Variants in HS3ST2 observed in about 807,000 individuals in gnomAD.
The protein encoded by HS3ST2 is heparan sulfate glucosamine 3-O-sulfotransferase 2.
A neutral mutation model predicts 26.3 loss-of-function variants in HS3ST2; 17 were observed. The ratio of observed to expected loss-of-function variants is 0.65; its 90% CI spans 0.44 to 0.97. HS3ST2 has a LOEUF of 0.97. Among genes scored for constraint, HS3ST2 ranks in the 50% least tolerant of loss-of-function variants. The pLI, the probability that HS3ST2 is intolerant of heterozygous loss-of-function variation, is 0.00. For synonymous variants in HS3ST2, 237 were observed against 219.2 expected (o/e 1.08, Z -0.72); for missense variants, 402 against 501.2 (o/e 0.80, Z 1.89).
intron 1 of HS3ST2, among the ~76,000 whole-genome samples, chr16:22,843,106 A>G (rs1280438503): frequency 4.6e-5 from 7 of 151,916 alleles, no homozygotes; most frequent in Non-Finnish European, 8.8e-5. Flanking sequence ...CTACTCTCAC[A>G]CTGCAAAAAT....
intron 1 of HS3ST2, among the ~76,000 whole-genome samples, chr16:22,874,919 C>A (rs2015695): frequency 1.3e-5 from 2 of 151,996 alleles, no homozygotes; most frequent in East Asian, 1.9e-4. Context: ...AAATCACATA[C>A]AGGGAAGGGC....
chr16:22,867,169 A>T (rs898775914), intron 1 of HS3ST2, among the ~76,000 whole-genome samples: 1 of 152,252 alleles, frequency 6.6e-6, no homozygotes, highest in African/African-American at 2.4e-5. Context: ...CATTTGAATC[A>T]GTGGGAAAGA....
chr16:22,908,457 A>G (rs561966782), intron 1 of HS3ST2, among the ~76,000 whole-genome samples: 1 of 152,282 alleles, frequency 6.6e-6, no homozygotes, highest in African/African-American at 2.4e-5. Context: ...AGATTACCTG[A>G]AACTGGATAA....
intron 1 of HS3ST2, among the ~76,000 whole-genome samples, chr16:22,911,286 A>T (rs1247061568): frequency 4.6e-5 from 7 of 152,190 alleles, no homozygotes; most frequent in Non-Finnish European, 1.0e-4. Flanking sequence ...GAGGATGAAG[A>T]TGATGCTATT....
intron 1 of HS3ST2, among the ~76,000 whole-genome samples, chr16:22,816,608 G>T (rs1440766575): frequency 6.6e-6 from 1 of 152,202 alleles, no homozygotes; most frequent in East Asian, 1.9e-4. Context: ...AGGGTAGGGT[G>T]GCACAGAGTG....
At chr16:22,854,360 A>AT (rs990912006) in intron 1 of HS3ST2, among the ~76,000 whole-genome samples, 6 of 151,604 alleles carry the variant, frequency 4.0e-5, no homozygotes, top group Admixed American at 6.6e-5. Context: ...TTTTTTATGA[A>AT]TTTTTTTCTG....
intron 1 of HS3ST2, among the ~76,000 whole-genome samples, chr16:22,900,568 C>T (rs1160680771): frequency 6.6e-6 from 1 of 151,916 alleles, no homozygotes; most frequent in Non-Finnish European, 1.5e-5. Flanking sequence ...ATGGGTGTTG[C>T]TTGGACAACT....
chr16:22,915,927 C>G lies in HS3ST2; in HGVS notation c.*365C>G. On this transcript the variant is annotated 3_prime_UTR_variant, in exon 2 of 2. Coordinates refer to ENST00000261374, the MANE Select transcript of HS3ST2 (RefSeq NM_006043.2). ...TGTTGCTATGAACACAGCAGTCGGT[C>G]CCTGTCATTGTCCACCCAGGAGTGG... 4.7e-6 allele frequency: 1 copy of G among 212,636 alleles called. No individual in the cohort carries two copies. Among genetic ancestry groups the G allele is most frequent in the Non-Finnish European group, 9.4e-6 (1 of 106,326 alleles). The allele number at this position is 212,636 out of a possible 1,614,324, so 13.2% of individuals were successfully genotyped here.
chr16:22,877,439 G>A (rs970147066), intron 1 of HS3ST2, among the ~76,000 whole-genome samples: 5 of 152,168 alleles, frequency 3.3e-5, no homozygotes, highest in African/African-American at 9.7e-5. Context: ...TAAGTGGGCC[G>A]GGAAATGGAG....
chr16:22,886,979 T>TAG (rs1902069034), intron 1 of HS3ST2, among the ~76,000 whole-genome samples: 1 of 152,168 alleles, frequency 6.6e-6, no homozygotes, highest in Admixed American at 6.5e-5. Flanking sequence ...CTCAAACTCC[T>TAG]GACCTCAAGT....
intron 1 of HS3ST2, among the ~76,000 whole-genome samples, chr16:22,845,914 A>G (rs1200370564): frequency 1.3e-5 from 2 of 152,242 alleles, no homozygotes; most frequent in Admixed American, 1.3e-4. Context: ...ATGGGAAGAC[A>G]GGAGTTGACA....
chr16:22,871,648 A>G (rs979817450), intron 1 of HS3ST2, among the ~76,000 whole-genome samples: 1 of 152,202 alleles, frequency 6.6e-6, no homozygotes, highest in Non-Finnish European at 1.5e-5. Flanking sequence ...TCTTCTGTTC[A>G]GTCTATCTCT....
intron 1 of HS3ST2, among the ~76,000 whole-genome samples, chr16:22,914,277 C>T (rs1052200922): frequency 6.6e-6 from 1 of 152,052 alleles, no homozygotes; most frequent in Non-Finnish European, 1.5e-5. Flanking sequence ...TGTATCTTGC[C>T]TGTTTTCATT....
At chr16:22,843,750 C>A (rs1453358357) in intron 1 of HS3ST2, among the ~76,000 whole-genome samples, 1 of 152,132 alleles carries the variant, frequency 6.6e-6, no homozygotes, top group East Asian at 1.9e-4. Flanking sequence ...CTCCCTGAAT[C>A]CTGTTCTGTT....
intron 1 of HS3ST2, among the ~76,000 whole-genome samples, chr16:22,832,151 CTTT>C (rs71151684): frequency 8.7e-6 from 1 of 115,470 alleles, no homozygotes. Context: ...CCCAGCTGAT[CTTT>C]TTTTTTTTTT....
chr16:22,877,041 G>A (rs1000733446), intron 1 of HS3ST2, among the ~76,000 whole-genome samples: 3 of 152,184 alleles, frequency 2.0e-5, no homozygotes, highest in African/African-American at 7.2e-5. Context: ...CACTGCTTGG[G>A]TGACAGGTGC....
chr16:22,912,349 G>A (rs555099503), intron 1 of HS3ST2, among the ~76,000 whole-genome samples: 11 of 152,216 alleles, frequency 7.2e-5, no homozygotes, highest in Non-Finnish European at 1.5e-4. Context: ...AAAGAACTGC[G>A]AGGCCAGGGT....
chr16:22,900,975 T>C (rs1021317048), intron 1 of HS3ST2, among the ~76,000 whole-genome samples: 4 of 152,018 alleles, frequency 2.6e-5, no homozygotes, highest in African/African-American at 7.2e-5. Context: ...GGTGAAGGGA[T>C]AGATAGCTGG....
chr16:22,866,327 G>GCA lies in HS3ST2; in HGVS notation c.486-48601_486-48600dup, dbSNP rs10603570. On this transcript the variant is annotated intron_variant, in intron 1 of 1. Transcript: ENST00000261374. ...TTCGCGCAAGCACGTGCGCGCGCGC[G>GCA]CACACACACACACACACTAACCAAT... Among the ~76,000 whole-genome samples, 760 of 149,274 alleles carry GCA rather than the reference G, an allele frequency of 5.1e-3. 6 individuals are homozygous for GCA. Among genetic ancestry groups the GCA allele is most frequent in the Middle Eastern group, 0.021 (6 of 286 alleles).
Sources: allele counts gnomAD v4.1 joint callset (sites outside exome capture counted in the v4.1 genomes callset), GRCh38; gene constraint gnomAD v4.1.1; transcripts MANE v1.5; gene names NCBI Gene and HGNC (gene_info 2026-07-23, HGNC 2026-07-21).